PAPPA2: variants seen among roughly 807,000 people sequenced by gnomAD.
PAPPA2 encodes the protein pappalysin-2.
Under a neutral mutation model 176.4 loss-of-function variants are expected in PAPPA2, and 86 were observed. That is an observed-to-expected ratio of 0.49 (90% CI 0.41 to 0.58). The LOEUF is 0.58. PAPPA2 is among the 20% of genes least tolerant of loss of function. The pLI is 0.00. For missense variants in PAPPA2, 2,073 were observed against 2,256.9 expected (o/e 0.92, Z 1.65); for synonymous variants, 809 against 852.2 (o/e 0.95, Z 0.88).
intron 1 of PAPPA2, among the ~76,000 whole-genome samples, chr1:176,541,719 A>G (rs1230312386): frequency 6.6e-6 from 1 of 152,220 alleles, no homozygotes; most frequent in South Asian, 2.1e-4. Flanking sequence ...GTACTCTTTA[A>G]ATATACATTC....
intron 1 of PAPPA2, among the ~76,000 whole-genome samples, chr1:176,473,785 G>A (rs1460699870): frequency 3.3e-5 from 5 of 152,164 alleles, no homozygotes; most frequent in Non-Finnish European, 5.9e-5. Context: ...AATGATATAT[G>A]ATGTTGAACG....
intron 3 of PAPPA2, among the ~76,000 whole-genome samples, chr1:176,651,300 A>T (rs1384920346): frequency 4.0e-5 from 6 of 151,446 alleles, no homozygotes; most frequent in Admixed American, 3.3e-4. Flanking sequence ...AGCATTTCTT[A>T]TATGACAGGT....
chr1:176,783,689 A>C (rs1043433461), intron 17 of PAPPA2, among the ~76,000 whole-genome samples: 8 of 152,220 alleles, frequency 5.3e-5, no homozygotes, highest in African/African-American at 1.9e-4. Context: ...ATCACAGAGC[A>C]AGAACGCTCA....
chr1:176,582,175 C>T (rs1378184009), intron 2 of PAPPA2, among the ~76,000 whole-genome samples: 1 of 152,104 alleles, frequency 6.6e-6, no homozygotes, highest in African/African-American at 2.4e-5. Context: ...GATCCACCCG[C>T]CTCGGCCTCC....
At chr1:176,753,605 A>T (rs1298159375) in intron 14 of PAPPA2, among the ~76,000 whole-genome samples, 6 of 79,338 alleles carry the variant, frequency 7.6e-5, no homozygotes, top group Non-Finnish European at 1.5e-4. Context: ...ATTTTAAAGC[A>T]TTTATTTTTT....
At chr1:176,514,241 T>C (rs1202898431) in intron 1 of PAPPA2, among the ~76,000 whole-genome samples, 1 of 152,112 alleles carries the variant, frequency 6.6e-6, no homozygotes, top group African/African-American at 2.4e-5. Flanking sequence ...GCACATCATA[T>C]AGTGAGAGAG....
At chr1:176,671,529 A>G (rs1018216107) in intron 4 of PAPPA2, among the ~76,000 whole-genome samples, 20 of 152,232 alleles carry the variant, frequency 1.3e-4, no homozygotes, top group African/African-American at 4.1e-4. Flanking sequence ...CCTGAGAAAA[A>G]TCCCAGGAAA....
chr1:176,800,113 A>G lies in PAPPA2; in HGVS notation c.5183A>G (p.His1728Arg). 6.2e-7 allele frequency: 1 copy of G among 1,614,004 alleles called. No homozygotes were observed. Among genetic ancestry groups the G allele is most frequent in the Non-Finnish European group, 8.5e-7 (1 of 1,179,938 alleles). Reference protein sequence around the residue: ...RQWHPDPVLVHCIQSCEPFQA... With the variant: ...RQWHPDPVLVRCIQSCEPFQA... ...TGGCACCCAGACCCCGTCTTAGTCC[A>G]CTGCATCCAGTCATGTGAGGTAAGA... is the stretch of plus-strand genomic sequence containing the variant. Residue 1728 changes from histidine (H) to arginine (R), a missense_variant, in exon 21 of 23, where the codon CAC becomes CGC. Physicochemically the swap from His to Arg is conservative, Grantham distance 29. Around this residue, in one of 4 missense-constraint regions of PAPPA2, gnomAD observed 846 missense variants for 857.9 expected, o/e 0.99. Transcript: ENST00000367662.
chr1:176,721,845 T>G (rs1571226753), intron 12 of PAPPA2, among the ~76,000 whole-genome samples: 1 of 149,960 alleles, frequency 6.7e-6, no homozygotes, highest in East Asian at 2.0e-4. Flanking sequence ...GCTCATTTAC[T>G]TTTTTTTTTC....
intron 14 of PAPPA2, among the ~76,000 whole-genome samples, chr1:176,757,878 G>A (rs962735858): frequency 6.6e-6 from 1 of 152,130 alleles, no homozygotes; most frequent in Non-Finnish European, 1.5e-5. Context: ...GACAACCATG[G>A]TAAAACCCAT....
chr1:176,670,117 G>A (rs1000209651), intron 3 of PAPPA2, among the ~76,000 whole-genome samples: 2 of 152,126 alleles, frequency 1.3e-5, no homozygotes, highest in Non-Finnish European at 2.9e-5. Context: ...AGTGAGAACA[G>A]CAAGGCCCTG....
intron 14 of PAPPA2, among the ~76,000 whole-genome samples, chr1:176,749,556 C>A (rs935309693): frequency 7.9e-5 from 12 of 152,308 alleles, no homozygotes; most frequent in African/African-American, 2.9e-4. Flanking sequence ...GTATCACACA[C>A]AGCATTGTCA....
chr1:176,555,164 G>A (rs1227204273), intron 1 of PAPPA2, among the ~76,000 whole-genome samples: 1 of 152,212 alleles, frequency 6.6e-6, no homozygotes, highest in Admixed American at 6.5e-5. Context: ...GTGCCTTGGT[G>A]AGGTGGGTAG....
chr1:176,692,934 T>C (rs947721973), intron 6 of PAPPA2, among the ~76,000 whole-genome samples: 4 of 152,324 alleles, frequency 2.6e-5, no homozygotes, highest in South Asian at 2.1e-4. Context: ...TCTTTGTCTC[T>C]TGCCCTGCCA....
At chr1:176,735,721 T>TATCTATC (rs1662376321) in intron 12 of PAPPA2, among the ~76,000 whole-genome samples, 1 of 144,144 alleles carries the variant, frequency 6.9e-6, no homozygotes, top group African/African-American at 2.5e-5. Context: ...TCTATCTATC[T>TATCTATC]ATCTATCTAT....
intron 1 of PAPPA2, among the ~76,000 whole-genome samples, chr1:176,479,040 C>T (rs1652264747): frequency 6.6e-6 from 1 of 152,092 alleles, no homozygotes; most frequent in Non-Finnish European, 1.5e-5. Flanking sequence ...TCCACAAGGA[C>T]TTGACAAGGA....
intron 1 of PAPPA2, among the ~76,000 whole-genome samples, chr1:176,495,590 A>T (rs1216512955): frequency 6.6e-6 from 1 of 151,820 alleles, no homozygotes; most frequent in Non-Finnish European, 1.5e-5. Context: ...CAGCTAGAGG[A>T]TGGTGACTAG....
chr1:176,828,540 G>A (rs1666946929), intron 21 of PAPPA2, among the ~76,000 whole-genome samples: 1 of 150,966 alleles, frequency 6.6e-6, no homozygotes, highest in Non-Finnish European at 1.5e-5. Flanking sequence ...TATGAGAAAG[G>A]GAGAAGCATA....
chr1:176,835,105 G>T (rs932610133), intron 21 of PAPPA2, among the ~76,000 whole-genome samples: 8 of 152,142 alleles, frequency 5.3e-5, no homozygotes, highest in African/African-American at 1.9e-4. Context: ...GGTGCCAAAA[G>T]AACTTAAGTT....
Sources: gnomAD v4.1 joint callset for allele counts (sites outside exome capture counted in the v4.1 genomes callset) on GRCh38, gnomAD v4.1.1 for gene constraint, gnomAD v4.1.1 regional missense constraint, MANE v1.5 for transcripts, NCBI Gene and HGNC (gene_info 2026-07-23, HGNC 2026-07-21) for gene names.